GPT: variants seen among roughly 807,000 people sequenced by gnomAD.
GPT encodes the protein alanine aminotransferase 1.
Under a neutral mutation model 51.4 loss-of-function variants are expected in GPT, and 60 were observed. The observed-to-expected ratio is 1.17, with a 90% confidence interval of 0.95 to 1.45. GPT has a LOEUF of 1.45. GPT is among the 40% of genes most tolerant of loss of function. GPT has a pLI of 0.00. For missense variants in GPT, 853 were observed against 704.0 expected, an observed-to-expected ratio of 1.21 and a Z score of -2.40; for synonymous variants, 397 against 303.1, an observed-to-expected ratio of 1.31 and a Z score of -3.22.
In GPT at chr8:144,507,113, G is replaced by GGGGGGGGGGGGGGGC; in HGVS notation, c.*114_*115insGGGGGGGGGGGGGCG. ...ATGCCTGGCGGGGTGGGGTGGGGGG[G>GGGGGGGGGGGGGGGC]GTGCTGGGCCCCTGCCTCTCTGCAG... On this transcript the variant is annotated 3_prime_UTR_variant, in exon 11 of 11. Coordinates refer to ENST00000394955, the MANE Select transcript of GPT (RefSeq NM_005309.3). 2.0e-6 allele frequency: 1 copy of GGGGGGGGGGGGGGGC among 512,008 alleles called. No individual in the cohort carries two copies. The allele number at this position is 512,008 out of a possible 1,614,324, so 31.7% of individuals were successfully genotyped here. A position where few individuals can be genotyped will look rare whatever the true frequency, so the allele number is the denominator to read the frequency against.
upstream of GPT, chr8:144,503,920 G>A (rs1826654621): frequency 3.4e-6 from 1 of 298,158 alleles, no homozygotes; most frequent in Non-Finnish European, 6.6e-6. Context: ...CTCCCCCCAT[G>A]TCTAGTCCCT....
Position 144,504,475 on chromosome 8 carries a change from C to T in GPT, c.162+9C>T, listed in dbSNP as rs1214340522. On this transcript the variant is annotated intron_variant, in intron 1 of 10. Coordinates refer to ENST00000394955, the MANE Select transcript of GPT (RefSeq NM_005309.3). ...AGCAGGAGCTGCGCCAGGTATGGCCCAGGGCCCCTCGCTGCCCTCCAGGTC... is the reference window on the plus strand; with the variant it reads ...AGCAGGAGCTGCGCCAGGTATGGCCTAGGGCCCCTCGCTGCCCTCCAGGTC... 5 of 1,608,102 alleles carry T rather than the reference C, an allele frequency of 3.1e-6. No homozygotes were observed. Among genetic ancestry groups the T allele is most frequent in the African/African-American group, 1.3e-5 (1 of 74,914 alleles).
In GPT at chr8:144,506,413, T is replaced by G. The variant is rs1564778734; in HGVS notation, c.1131+7T>G. On this transcript the variant is annotated splice_region_variant and intron_variant, in intron 8 of 10. Transcript: ENST00000394955. This position sits in a 1 kb window ranked among gnomAD's most constrained non-coding sequence, Gnocchi z 7.0. The stretch of plus-strand genomic sequence containing the variant: ...CTTTGCGCAGTTCCAGGCTGTGAGT[T>G]GGGGGCAGGAGGGGGTCCAGGTGAC... 1 of 1,559,850 alleles carries G rather than the reference T, an allele frequency of 6.4e-7. No individual in the cohort carries two copies. The highest frequency in any genetic ancestry group is 1.9e-5 in the Admixed American group (1 of 52,138).
chr8:144,503,504 C>T (rs1826635723), upstream of GPT, among the ~76,000 whole-genome samples: 1 of 152,102 alleles, frequency 6.6e-6, no homozygotes, highest in Non-Finnish European at 1.5e-5. Flanking sequence ...TGTGAGCTGT[C>T]CCAGGGCTCA....
Position 144,506,473 on chromosome 8 carries a change from C to T in GPT, c.1132-28C>T, listed in dbSNP as rs1190819393. 1.3e-6 allele frequency: 2 copies of T among 1,585,712 alleles called. No individual in the cohort carries two copies. Among genetic ancestry groups the T allele is most frequent in the Non-Finnish European group, 1.7e-6 (2 of 1,167,270 alleles). On this transcript the variant is annotated intron_variant, in intron 8 of 10. Coordinates refer to ENST00000394955, the MANE Select transcript of GPT (RefSeq NM_005309.3). This position sits in a 1 kb window ranked among gnomAD's most constrained non-coding sequence, Gnocchi z 7.0. ...GGTGGGGGATGCCGAGTGCCGTGCC[C>T]TGATGGGCCCTCCCTCCGCGGCCAC...
rs776968576 is a variant in GPT at position 144,505,797 on chromosome 8, G to A, written c.740-51G>A. 3.3e-6 allele frequency: 5 copies of A among 1,518,984 alleles called. No homozygotes were observed. The South Asian group carries it at 6.0e-5, about 18-fold the overall frequency. The allele number at this position is 1,518,984 out of a possible 1,614,324, so 94.1% of individuals were successfully genotyped here. The stretch of plus-strand genomic sequence containing the variant: ...CTGGACCCCGGCTGCCCAGCGGAGG[G>A]CAGTGCGCCCCCTTGGCTCACCCAG... On this transcript the variant is annotated intron_variant, in intron 5 of 10. Transcript: ENST00000394955.
Position 144,506,892 on chromosome 8 carries a change from A to G in GPT, c.1401-18A>G, listed in dbSNP as rs1564779406. The G allele has an allele frequency of 1.2e-6, 2 of 1,612,380 alleles. No homozygotes were observed. Among genetic ancestry groups the G allele is most frequent in the Non-Finnish European group, 8.5e-7 (1 of 1,179,510 alleles). ...GTCCCGCCACCCTGGCCCTTCACTC[A>G]CTGTCAACTCCTTTCAGGATGACCA... On this transcript the variant is annotated intron_variant, in intron 10 of 10. Coordinates refer to ENST00000394955, the MANE Select transcript of GPT (RefSeq NM_005309.3). The surrounding 1 kb of genome is among the most constrained non-coding windows in gnomAD (Gnocchi z 7.0).
At position 144,506,481 on chromosome 8, in the gene GPT, C is replaced by G; in HGVS notation, c.1132-20C>G. On this transcript the variant is annotated intron_variant, in intron 8 of 10. Transcript: ENST00000394955. The surrounding 1 kb of genome is among the most constrained non-coding windows in gnomAD (Gnocchi z 7.0). ...ATGCCGAGTGCCGTGCCCTGATGGG[C>G]CCTCCCTCCGCGGCCACAGGAGAAG... 4 of 1,589,240 alleles carry G rather than the reference C, an allele frequency of 2.5e-6. No homozygotes were observed. Among genetic ancestry groups the G allele is most frequent in the Non-Finnish European group, 3.4e-6 (4 of 1,169,178 alleles).
At chr8:144,504,919 C>G in intron 3 of GPT, 40 bp downstream of exon 3, 3 of 1,612,588 alleles carry the variant, frequency 1.9e-6, no homozygotes, top group Non-Finnish European at 2.5e-6. Context: ...GGCCGCCCTG[C>G]CACTGGAGGA....
In GPT at chr8:144,505,426, G is replaced by T. The variant is rs141187317; in HGVS notation, c.676G>T (p.Gly226Cys). ...LDVAELHRAL[G>C]QARDHCRPRA... ...CGTGGCCGAGCTTCACCGTGCACTG[G>T]GCCAGGCGCGTGACCACTGCCGCCC... Residue 226 changes from glycine (G) to cysteine (C), a missense_variant, in exon 5 of 11, where the codon GGC (glycine) becomes TGC (cysteine). Gly to Cys is a radical substitution (Grantham distance 159, BLOSUM62 -3). Transcript: ENST00000394955. The T allele has an allele frequency of 2.0e-3, 3,237 of 1,598,020 alleles. 6 individuals carry two copies. The highest frequency in any genetic ancestry group is 6.3e-3 in the African/African-American group (468 of 74,710).
rs1214881549 is a variant in GPT, at chr8:144,504,784, G to C, written c.266G>C (p.Cys89Ser). The change falls in exon 3 of 11, where the codon TGT (cysteine) becomes TCT (serine). Residue 89 changes from cysteine to serine, a missense_variant. Cys to Ser is a moderately radical substitution (Grantham distance 112). Transcript: ENST00000394955. Reference sequence around the variant, plus strand: ...CCGTCTTCCCAGGTCTTGGCCCTCTGTGTTAACCCTGATCTTCTGAGCAGC... The same window carrying C: ...CCGTCTTCCCAGGTCTTGGCCCTCTCTGTTAACCCTGATCTTCTGAGCAGC... The part of the protein sequence containing the change: ...ITFLRQVLAL[C>S]VNPDLLSSPN... The C allele has an allele frequency of 2.5e-6, 4 of 1,613,558 alleles. No individual in the cohort carries two copies. Among genetic ancestry groups the C allele is most frequent in the Non-Finnish European group, 3.4e-6 (4 of 1,180,016 alleles).
upstream of GPT, chr8:144,503,702 T>C: frequency 6.8e-6 from 1 of 147,070 alleles, no homozygotes; most frequent in Admixed American, 6.8e-5. Context: ...GAGGCCTGGC[T>C]CAGTTAATAG....
chr8:144,505,402 G>T lies in GPT; in HGVS notation c.652G>T (p.Val218Leu). The change falls in exon 5 of 11, where the codon GTG (valine) becomes TTG (leucine). Residue 218 changes from valine to leucine, a missense_variant. Coordinates refer to ENST00000394955, the MANE Select transcript of GPT (RefSeq NM_005309.3). ...LDEERAWALD[V>L]AELHRALGQA... is the part of the protein sequence containing the mutation. ...CGAGGAGCGTGCCTGGGCGCTGGAC[G>T]TGGCCGAGCTTCACCGTGCACTGGG... 1 of 1,596,180 alleles carries T rather than the reference G, an allele frequency of 6.3e-7. No homozygotes were observed. The highest frequency in any genetic ancestry group is 1.1e-5 in the South Asian group (1 of 87,906).
At position 144,504,413 on chromosome 8, in the gene GPT, G is replaced by A. The variant is rs772581592; in HGVS notation, c.109G>A (p.Val37Met). The A allele has an allele frequency of 3.1e-6, 5 of 1,611,592 alleles. No individual in the cohort carries two copies. Among genetic ancestry groups the A allele is most frequent in the Admixed American group, 1.7e-5 (1 of 60,010 alleles). ...NPRVRRVEYA[V>M]RGPIVQRALE... ...GCGTGTGCGGAGAGTGGAGTACGCA[G>A]TGCGTGGCCCCATAGTGCAGCGAGC... The change falls in exon 1 of 11, where the codon GTG becomes ATG. Residue 37 changes from valine to methionine, a missense_variant. Physicochemically the swap from Val to Met is conservative, Grantham distance 21. Coordinates refer to ENST00000394955, the MANE Select transcript of GPT (RefSeq NM_005309.3).
In GPT at chr8:144,507,114, G is replaced by T. The variant is rs543374516; in HGVS notation, c.*114G>T. The T allele has an allele frequency of 6.0e-6, 3 of 498,332 alleles. No homozygotes were observed. The highest frequency in any genetic ancestry group is 1.5e-5 in the South Asian group (1 of 65,282). The allele number at this position is 498,332 out of a possible 1,614,324, so 30.9% of individuals were successfully genotyped here. ...TGCCTGGCGGGGTGGGGTGGGGGGG[G>T]TGCTGGGCCCCTGCCTCTCTGCAGG... On this transcript the variant is annotated 3_prime_UTR_variant, in exon 11 of 11. Transcript: ENST00000394955.
chr8:144,506,735 T>C lies in GPT; in HGVS notation c.1292T>C (p.Leu431Pro), dbSNP rs777459970. ...PPRAVERAQE[L>P]GLAPDMFFCL... is the part of the protein sequence containing the mutation. ...CTGACGGCTCTCCGTCCACAGGAGCTGGGCCTGGCCCCCGATATGTTCTTC... is the reference window on the plus strand; with the variant it reads ...CTGACGGCTCTCCGTCCACAGGAGCCGGGCCTGGCCCCCGATATGTTCTTC... Residue 431 changes from leucine to proline, a missense_variant, in exon 10 of 11, where the codon CTG (leucine) becomes CCG (proline). Leu to Pro is a moderately conservative substitution (Grantham distance 98). Transcript: ENST00000394955. The surrounding 1 kb of genome is among the most constrained non-coding windows in gnomAD (Gnocchi z 7.0). 3.7e-6 allele frequency: 6 copies of C among 1,611,318 alleles called. No homozygotes were observed. The Admixed American group carries it at 8.3e-5, about 22-fold the overall frequency.
chr8:144,503,956 A>T, upstream of GPT: 2 of 380,486 alleles, frequency 5.3e-6, no homozygotes, highest in South Asian at 2.2e-5. Context: ...TGACGTCTGT[A>T]CCTACCCCCC....
At chr8:144,503,951 T>C (rs1467238550), upstream of GPT, 1 of 374,010 alleles carries the variant, frequency 2.7e-6, no homozygotes, top group Non-Finnish European at 5.2e-6. Flanking sequence ...CGGACTGACG[T>C]CTGTACCTAC....
In GPT at chr8:144,506,054, C is replaced by T; in HGVS notation, c.879C>T (p.Leu293=). The T allele has an allele frequency of 3.1e-6, 5 of 1,612,428 alleles. No individual in the cohort carries two copies. The highest frequency in any genetic ancestry group is 4.2e-6 in the Non-Finnish European group (5 of 1,179,720). The change falls in exon 7 of 11, where the codon CTC becomes CTT. Residue 293 remains leucine, a synonymous_variant. Coordinates refer to ENST00000394955, the MANE Select transcript of GPT (RefSeq NM_005309.3). The surrounding 1 kb of genome is among the most constrained non-coding windows in gnomAD (Gnocchi z 7.0). The part of the protein sequence containing the change: ...GSQFHSFKKV[L]MEMGPPYAGQ... The stretch of plus-strand genomic sequence containing the variant: ...AGTTCCACTCATTCAAGAAGGTGCT[C>T]ATGGAGATGGGGCCGCCCTACGCCG...
Sources: allele counts gnomAD v4.1 joint callset (sites outside exome capture counted in the v4.1 genomes callset), GRCh38; gene constraint gnomAD v4.1.1; non-coding constraint Gnocchi (gnomAD v3.1); transcripts MANE v1.5; gene names NCBI Gene and HGNC (gene_info 2026-07-23, HGNC 2026-07-21).